Variants in LONRF2 observed in about 807,000 individuals in gnomAD.
LONRF2 encodes the protein LON peptidase N-terminal domain and RING finger protein 2.
A neutral mutation model predicts 66.6 loss-of-function variants in LONRF2; 35 were observed. That is an observed-to-expected ratio of 0.53 (90% CI 0.40 to 0.70). LONRF2 has a LOEUF of 0.70. Among genes scored for constraint, LONRF2 ranks in the 30% least tolerant of loss-of-function variants. The probability of loss-of-function intolerance (pLI) is 0.00; values close to 1 mark genes in which losing one functional copy is unlikely to be tolerated. For synonymous variants in LONRF2, 417 were observed against 418.1 expected, an observed-to-expected ratio of 1.00 and a Z score of 0.03; for missense variants, 902 against 1,002.1, an observed-to-expected ratio of 0.90 and a Z score of 1.35.
chr2:100,276,372 C>T lies in LONRF2; in HGVS notation c.*7926G>A, dbSNP rs1318555468. On this transcript the variant is annotated 3_prime_UTR_variant, in exon 12 of 12. Transcript: ENST00000393437. ...ATGGGTAAGGTATGCTTCACTTTAACTGTAGCCTGTCTAAATTTCCTGTGG... is the reference window on the plus strand; with the variant it reads ...ATGGGTAAGGTATGCTTCACTTTAATTGTAGCCTGTCTAAATTTCCTGTGG... 2 of 152,158 alleles carry T rather than the reference C, an allele frequency of 1.3e-5. No individual in the cohort carries two copies. Among genetic ancestry groups the T allele is most frequent in the African/African-American group, 4.8e-5 (2 of 41,418 alleles). The allele number at this position is 152,158 out of a possible 1,614,324, so 9.4% of individuals were successfully genotyped here.
At chr2:100,296,931 A>G (rs1675080229) in intron 7 of LONRF2, among the ~76,000 whole-genome samples, 1 of 152,218 alleles carries the variant, frequency 6.6e-6, no homozygotes, top group Non-Finnish European at 1.5e-5. Flanking sequence ...GAAGAAAGAC[A>G]AAACTATAAT....
At chr2:100,300,025 G>A in intron 4 of LONRF2, 107 bp from the exon 5 acceptor site, 1 of 518,308 alleles carries the variant, frequency 1.9e-6, no homozygotes, top group Non-Finnish European at 3.3e-6. Context: ...AAAAAGGGGG[G>A]GGCATACACT....
intron 8 of LONRF2, among the ~76,000 whole-genome samples, chr2:100,294,780 G>C (rs948014800): frequency 6.6e-6 from 1 of 152,124 alleles, no homozygotes; most frequent in Non-Finnish European, 1.5e-5. Context: ...TTTAAAAGAT[G>C]AAAACTGTCA....
chr2:100,287,182 C>A, intron 10 of LONRF2, 119 bp from the exon 11 acceptor site: 1 of 956,994 alleles, frequency 1.0e-6, no homozygotes, highest in Non-Finnish European at 1.5e-6. Flanking sequence ...AATAATTCAT[C>A]AGTTTCACAA....
intron 10 of LONRF2, among the ~76,000 whole-genome samples, chr2:100,287,816 A>G (rs1163987459): frequency 1.3e-5 from 2 of 151,874 alleles, no homozygotes; most frequent in East Asian, 1.9e-4. Flanking sequence ...TTCATCACCA[A>G]CTCTCATGTG....
intron 1 of LONRF2, among the ~76,000 whole-genome samples, chr2:100,310,026 T>C (rs930210549): frequency 1.3e-5 from 2 of 152,186 alleles, no homozygotes; most frequent in Non-Finnish European, 2.9e-5. Context: ...CCCATAATTG[T>C]ACCTACAGTA....
chr2:100,318,784 A>AG (rs1675562338), intron 1 of LONRF2, among the ~76,000 whole-genome samples: 1 of 149,362 alleles, frequency 6.7e-6, no homozygotes, highest in African/African-American at 2.5e-5. Flanking sequence ...AGTGACCGAT[A>AG]TCATGTCACT....
At position 100,284,252 on chromosome 2, in the gene LONRF2, T is replaced by C; in HGVS notation, c.*46A>G. On this transcript the variant is annotated 3_prime_UTR_variant, in exon 12 of 12. Coordinates refer to ENST00000393437, the MANE Select transcript of LONRF2 (RefSeq NM_198461.4). Reference sequence around the variant, plus strand: ...GACGGCTATTCGTCCATGCCTGACATTTATAAAAGCACAAGGGCTGCCAGA... The same window carrying C: ...GACGGCTATTCGTCCATGCCTGACACTTATAAAAGCACAAGGGCTGCCAGA... The C allele has an allele frequency of 6.9e-7, 1 of 1,444,792 alleles. No homozygotes were observed. The highest frequency in any genetic ancestry group is 9.2e-7 in the Non-Finnish European group (1 of 1,088,366). The allele number at this position is 1,444,792 out of a possible 1,614,324, so 89.5% of individuals were successfully genotyped here.
intron 6 of LONRF2, 89 bp from the exon 7 acceptor site, chr2:100,299,039 CCCT>C: frequency 9.6e-7 from 1 of 1,045,422 alleles, no homozygotes; most frequent in Non-Finnish European, 1.5e-6. Context: ...TTATGCAATC[CCCT>C]TTCTGTTCTA....
intron 10 of LONRF2, among the ~76,000 whole-genome samples, chr2:100,289,047 T>G (rs2105716127): frequency 6.6e-6 from 1 of 152,350 alleles, no homozygotes; most frequent in East Asian, 1.9e-4. Flanking sequence ...GTTAATAAAT[T>G]CAAGTCTTTT....
intron 3 of LONRF2, among the ~76,000 whole-genome samples, chr2:100,302,716 G>A (rs1675209927): frequency 6.6e-6 from 1 of 152,178 alleles, no homozygotes; most frequent in Admixed American, 6.5e-5. Flanking sequence ...GAAACACTCT[G>A]CTTTACCCAG....
At chr2:100,294,103 T>C in intron 9 of LONRF2, 126 bp downstream of exon 9, 1 of 1,094,222 alleles carries the variant, frequency 9.1e-7, no homozygotes, top group Non-Finnish European at 1.3e-6. Context: ...AGCCTTGAAC[T>C]TGGACTTTGT....
At chr2:100,309,452 C>T (rs926424860) in intron 1 of LONRF2, 1 of 243,398 alleles carries the variant, frequency 4.1e-6, no homozygotes, top group African/African-American at 2.3e-5. Context: ...CTCAGGAAAA[C>T]AGGAAGAAGA....
At chr2:100,315,168 A>C (rs985951029) in intron 1 of LONRF2, among the ~76,000 whole-genome samples, 1 of 152,238 alleles carries the variant, frequency 6.6e-6, no homozygotes, top group African/African-American at 2.4e-5. Context: ...TTTTCAGTGT[A>C]GAGGTATTAA....
chr2:100,290,982 C>G (rs1674948659), intron 9 of LONRF2, among the ~76,000 whole-genome samples: 1 of 152,130 alleles, frequency 6.6e-6, no homozygotes, highest in African/African-American at 2.4e-5. Context: ...GCTATGAGTT[C>G]CATGTGCACT....
At position 100,305,354 on chromosome 2, in the gene LONRF2, T is replaced by C. The variant is rs1573121021; in HGVS notation, c.799-2311A>G. Among the ~76,000 whole-genome samples the C allele has an allele frequency of 3.9e-5, 6 of 152,358 alleles. 1 individual carries two copies. The highest frequency in any genetic ancestry group is 3.9e-4 in the Admixed American group (6 of 15,308). Reference sequence around the variant, plus strand: ...AACTGTTTTCCCCTCTGGATTCACATGACGACTTCACTCCTTCACTATTAC... The same window carrying C: ...AACTGTTTTCCCCTCTGGATTCACACGACGACTTCACTCCTTCACTATTAC... On this transcript the variant is annotated intron_variant, in intron 2 of 11. Transcript: ENST00000393437.
chr2:100,320,434 T>C (rs1002541541), intron 1 of LONRF2, among the ~76,000 whole-genome samples: 1 of 152,186 alleles, frequency 6.6e-6, no homozygotes, highest in African/African-American at 2.4e-5. Flanking sequence ...TGTTCAATAT[T>C]TGGATCTTTT....
In LONRF2 at chr2:100,322,228, T is replaced by G. The variant is rs1447466632; in HGVS notation, c.-135A>C. ...CCACGCGCGTCTGGGGGCGGCGCGC[T>G]GCGAGCGGCTGAGACCGCGGGCGGG... On this transcript the variant is annotated 5_prime_UTR_variant, in exon 1 of 12. Coordinates refer to ENST00000393437, the MANE Select transcript of LONRF2 (RefSeq NM_198461.4). The G allele has an allele frequency of 2.0e-5, 16 of 804,178 alleles. No individual in the cohort carries two copies. The highest frequency in any genetic ancestry group is 5.3e-5 in the Admixed American group (1 of 18,884). 49.8% of individuals were successfully genotyped at this position (804,178 alleles called of 1,614,324 possible). A position where few individuals can be genotyped will look rare whatever the true frequency, so the allele number is the denominator to read the frequency against.
At chr2:100,299,022 G>C (rs185815495) in intron 6 of LONRF2, 72 bp from the exon 7 acceptor site, 1 of 1,217,724 alleles carries the variant, frequency 8.2e-7, no homozygotes. Flanking sequence ...GGTTTTTGAA[G>C]GATTCCTTAT....
Sources: allele counts gnomAD v4.1 joint callset (sites outside exome capture counted in the v4.1 genomes callset), GRCh38; gene constraint gnomAD v4.1.1; transcripts MANE v1.5; gene names NCBI Gene and HGNC (gene_info 2026-07-23, HGNC 2026-07-21).